Variants in CNTN3 observed in about 807,000 individuals in gnomAD.
CNTN3 encodes the protein contactin 3.
In CNTN3, 60 loss-of-function variants were observed where a neutral mutation model predicts 119.1. That is an observed-to-expected ratio of 0.50 (90% confidence interval 0.41 to 0.62). The LOEUF (loss-of-function observed/expected upper bound fraction) is 0.62. Ranked by LOEUF, CNTN3 falls within the 20% of genes least tolerant of loss-of-function variation. The probability of loss-of-function intolerance (pLI) is 0.00; values close to 1 mark genes in which losing one functional copy is unlikely to be tolerated. For missense variants in CNTN3, 1,101 were observed against 1,242.4 expected, an observed-to-expected ratio of 0.89 and a Z score of 1.71; for synonymous variants, 450 against 438.7, an observed-to-expected ratio of 1.03 and a Z score of -0.32.
intron 19 of CNTN3, among the ~76,000 whole-genome samples, chr3:74,290,739 T>G (rs991107519): frequency 6.6e-6 from 1 of 152,104 alleles, no homozygotes; most frequent in East Asian, 1.9e-4. Context: ...TTGCCCAGGC[T>G]GGAGTGCAGT....
At chr3:74,590,135 AAAAT>A (rs1383605252) in intron 1 of CNTN3, among the ~76,000 whole-genome samples, 9 of 151,914 alleles carry the variant, frequency 5.9e-5, no homozygotes, top group Non-Finnish European at 1.2e-4. Flanking sequence ...ATAATAATAA[AAAAT>A]AAATAAACCA....
chr3:74,533,813 G>T (rs1218575476), intron 1 of CNTN3, among the ~76,000 whole-genome samples: 1 of 152,046 alleles, frequency 6.6e-6, no homozygotes, highest in Non-Finnish European at 1.5e-5. Context: ...CATTGAGAGT[G>T]ACCTGGGCTC....
At chr3:74,563,433 CATT>C (rs1196347311) in intron 1 of CNTN3, among the ~76,000 whole-genome samples, 7 of 151,996 alleles carry the variant, frequency 4.6e-5, no homozygotes, top group Non-Finnish European at 8.8e-5. Context: ...TTTTTCATTC[CATT>C]ATTATTATTA....
At chr3:74,344,752 G>A (rs2106733855) in intron 11 of CNTN3, among the ~76,000 whole-genome samples, 1 of 152,208 alleles carries the variant, frequency 6.6e-6, no homozygotes, top group Admixed American at 6.5e-5. Flanking sequence ...GAGACACCGC[G>A]CCCGGCCATT....
chr3:74,502,223 T>C (rs549266719), intron 2 of CNTN3, among the ~76,000 whole-genome samples: 2 of 152,064 alleles, frequency 1.3e-5, no homozygotes, highest in South Asian at 2.1e-4. Flanking sequence ...AACAGGAAAG[T>C]TGGGGAGATA....
chr3:74,306,234 A>AAAC (rs1702561482), intron 13 of CNTN3, among the ~76,000 whole-genome samples: 1 of 150,022 alleles, frequency 6.7e-6, no homozygotes, highest in African/African-American at 2.4e-5. Context: ...AAAAAAAGAA[A>AAAC]CTCGGTAAAA....
At chr3:74,380,696 G>T (rs978788220) in intron 5 of CNTN3, among the ~76,000 whole-genome samples, 1 of 152,168 alleles carries the variant, frequency 6.6e-6, no homozygotes, top group Admixed American at 6.5e-5. Flanking sequence ...CCAGAGAGGG[G>T]CTTCATCAGT....
intron 19 of CNTN3, among the ~76,000 whole-genome samples, chr3:74,287,779 T>C (rs1231938170): frequency 6.6e-6 from 1 of 152,156 alleles, no homozygotes. Flanking sequence ...GGGATATTTA[T>C]TACCCTGCAT....
At chr3:74,352,953 G>T (rs1703851735) in intron 11 of CNTN3, among the ~76,000 whole-genome samples, 1 of 151,824 alleles carries the variant, frequency 6.6e-6, no homozygotes, top group Admixed American at 6.6e-5. Context: ...TGTAGAAGAA[G>T]ATTAAAATAA....
chr3:74,401,807 T>G (rs958290914), intron 5 of CNTN3, among the ~76,000 whole-genome samples: 1 of 152,166 alleles, frequency 6.6e-6, no homozygotes, highest in Non-Finnish European at 1.5e-5. Flanking sequence ...CTCTCACCTC[T>G]GCTACTCAGT....
chr3:74,582,279 G>A (rs552333973), intron 1 of CNTN3, among the ~76,000 whole-genome samples: 37 of 151,970 alleles, frequency 2.4e-4, no homozygotes, highest in East Asian at 7.8e-4. Context: ...GGTGGCGGGC[G>A]CCTGTAGTCC....
intron 11 of CNTN3, among the ~76,000 whole-genome samples, chr3:74,356,599 C>T (rs1303909898): frequency 6.6e-6 from 1 of 152,080 alleles, no homozygotes; most frequent in East Asian, 1.9e-4. Context: ...ATAATAAATA[C>T]CTAGTGCCTA....
chr3:74,427,464 C>T (rs936166164), intron 4 of CNTN3, among the ~76,000 whole-genome samples: 1 of 152,048 alleles, frequency 6.6e-6, no homozygotes, highest in Non-Finnish European at 1.5e-5. Context: ...TTTTGCAACA[C>T]TAGGAACTAT....
intron 2 of CNTN3, among the ~76,000 whole-genome samples, chr3:74,512,117 G>T (rs1458552991): frequency 6.6e-6 from 1 of 152,084 alleles, no homozygotes; most frequent in Non-Finnish European, 1.5e-5. Flanking sequence ...CAGTGGCAAT[G>T]CAATAAATGT....
intron 11 of CNTN3, among the ~76,000 whole-genome samples, chr3:74,348,337 T>C (rs750199616): frequency 5.9e-5 from 9 of 152,204 alleles, no homozygotes; most frequent in Non-Finnish European, 1.3e-4. Flanking sequence ...TTGTCAAGTA[T>C]ACCTTACTAA....
chr3:74,371,139 T>C, intron 6 of CNTN3, 57 bp downstream of exon 6: 1 of 1,296,298 alleles, frequency 7.7e-7, no homozygotes, highest in Non-Finnish European at 1.1e-6. Context: ...CAATTGCTTT[T>C]GTTTGCAGCC....
At chr3:74,291,235 C>A (rs1000751140) in intron 19 of CNTN3, among the ~76,000 whole-genome samples, 1 of 152,080 alleles carries the variant, frequency 6.6e-6, no homozygotes, top group Non-Finnish European at 1.5e-5. Context: ...TGAACTCATC[C>A]TTTTTTATGG....
At chr3:74,553,172 G>A (rs568312234) in intron 1 of CNTN3, among the ~76,000 whole-genome samples, 1 of 150,680 alleles carries the variant, frequency 6.6e-6, no homozygotes, top group South Asian at 2.1e-4. Flanking sequence ...ACTTATGAGT[G>A]AGAGCATGCA....
intron 13 of CNTN3, among the ~76,000 whole-genome samples, chr3:74,325,251 G>T (rs1326654310): frequency 6.6e-6 from 1 of 152,120 alleles, no homozygotes; most frequent in Non-Finnish European, 1.5e-5. Context: ...AGGCAACTAG[G>T]TTTTGTTGTG....
Sources: allele counts gnomAD v4.1 joint callset (sites outside exome capture counted in the v4.1 genomes callset), GRCh38; gene constraint gnomAD v4.1.1; transcripts MANE v1.5; gene names NCBI Gene and HGNC (gene_info 2026-07-23, HGNC 2026-07-21).